ZNF385B: variants seen among roughly 807,000 people sequenced by gnomAD.
ZNF385B encodes the protein zinc finger protein 533.
A neutral mutation model predicts 39.2 loss-of-function variants in ZNF385B; 23 were observed. The ratio of observed to expected loss-of-function variants is 0.59; its 90% CI spans 0.42 to 0.83. The LOEUF is 0.83. Ranked by LOEUF, ZNF385B falls within the 40% of genes least tolerant of loss-of-function variation. The probability of loss-of-function intolerance (pLI) is 0.00; values close to 1 mark genes in which losing one functional copy is unlikely to be tolerated. For missense variants in ZNF385B, 552 were observed against 598.9 expected, an observed-to-expected ratio of 0.92 and a Z score of 0.82; for synonymous variants, 205 against 222.6, an observed-to-expected ratio of 0.92 and a Z score of 0.70.
In ZNF385B at chr2:179,489,351, G is replaced by A. The variant is rs539961159; in HGVS notation, c.553-5917C>T. The stretch of plus-strand genomic sequence containing the variant: ...CCCTGTACCACAAAAACATACCATA[G>A]TGTTTTCAATTAAAAATCAAATATT... On this transcript the variant is annotated intron_variant, in intron 5 of 9. Transcript: ENST00000410066. Among the ~76,000 whole-genome samples the A allele has an allele frequency of 2.0e-5, 3 of 152,280 alleles. No homozygotes were observed. The South Asian group carries it at 6.2e-4, about 32-fold the overall frequency.
At chr2:179,826,778 A>G (rs984524175) in intron 1 of ZNF385B, among the ~76,000 whole-genome samples, 4 of 152,154 alleles carry the variant, frequency 2.6e-5, no homozygotes, top group Non-Finnish European at 5.9e-5. Context: ...AAAAATAAAT[A>G]CCAACTGCTT....
At chr2:179,572,193 C>T (rs1469581395) in intron 3 of ZNF385B, among the ~76,000 whole-genome samples, 1 of 152,006 alleles carries the variant, frequency 6.6e-6, no homozygotes, top group East Asian at 1.9e-4. Context: ...AAAATAATAC[C>T]TGGCCTTCTC....
At chr2:179,776,539 A>C (rs1057342151) in intron 1 of ZNF385B, among the ~76,000 whole-genome samples, 13 of 152,192 alleles carry the variant, frequency 8.5e-5, no homozygotes, top group Non-Finnish European at 1.8e-4. Context: ...CTTTTAAAAA[A>C]ATCTTCAAAC....
intron 1 of ZNF385B, among the ~76,000 whole-genome samples, chr2:179,829,642 T>C (rs927086605): frequency 2.0e-5 from 3 of 152,080 alleles, no homozygotes; most frequent in African/African-American, 7.2e-5. Flanking sequence ...GCCTCCCAAG[T>C]AGCTGGGACT....
At chr2:179,535,607 G>T (rs537620697) in intron 4 of ZNF385B, among the ~76,000 whole-genome samples, 3 of 152,142 alleles carry the variant, frequency 2.0e-5, no homozygotes, top group Non-Finnish European at 4.4e-5. Context: ...AATGTAAAAC[G>T]TCTTTGAAAT....
At chr2:179,783,684 C>T (rs1428305953) in intron 1 of ZNF385B, among the ~76,000 whole-genome samples, 1 of 151,960 alleles carries the variant, frequency 6.6e-6, no homozygotes, top group Non-Finnish European at 1.5e-5. Flanking sequence ...CCAGTCACTT[C>T]TCAAAAGAAG....
At chr2:179,842,970 C>G (rs1870875) in intron 1 of ZNF385B, among the ~76,000 whole-genome samples, 223 of 152,284 alleles carry the variant, frequency 1.5e-3, no homozygotes, top group African/African-American at 5.0e-3. Context: ...TTTGCCAAAG[C>G]TAGGGATATA....
chr2:179,667,410 C>G (rs950241932), intron 3 of ZNF385B, among the ~76,000 whole-genome samples: 2 of 152,280 alleles, frequency 1.3e-5, no homozygotes, highest in East Asian at 1.9e-4. Flanking sequence ...CCCTCCCCCC[C>G]ACCATTTTGT....
intron 3 of ZNF385B, among the ~76,000 whole-genome samples, chr2:179,688,723 G>C (rs1698123000): frequency 6.6e-6 from 1 of 152,028 alleles, no homozygotes; most frequent in South Asian, 2.1e-4. Context: ...ACAATACATT[G>C]TTATTAATTA....
intron 4 of ZNF385B, 57 bp downstream of exon 4, chr2:179,544,769 CA>C: frequency 6.2e-7 from 1 of 1,604,468 alleles, no homozygotes; most frequent in Non-Finnish European, 8.5e-7. Flanking sequence ...TGACTATTCA[CA>C]AATGTAATGA....
intron 3 of ZNF385B, among the ~76,000 whole-genome samples, chr2:179,744,448 G>C (rs1473527556): frequency 2.0e-5 from 3 of 152,004 alleles, no homozygotes; most frequent in African/African-American, 7.2e-5. Context: ...CATGTGCTCA[G>C]TATAAAACTA....
intron 1 of ZNF385B, among the ~76,000 whole-genome samples, chr2:179,844,155 T>C (rs1708683191): frequency 6.6e-6 from 1 of 152,234 alleles, no homozygotes; most frequent in African/African-American, 2.4e-5. Context: ...CGTAACCTCC[T>C]TAAAAACGGA....
chr2:179,519,871 A>C (rs1244397628), intron 4 of ZNF385B, among the ~76,000 whole-genome samples: 1 of 152,234 alleles, frequency 6.6e-6, no homozygotes, highest in Non-Finnish European at 1.5e-5. Context: ...AATCGACAAA[A>C]TGCAAAATTA....
intron 3 of ZNF385B, among the ~76,000 whole-genome samples, chr2:179,698,443 A>T (rs1698933213): frequency 6.6e-6 from 1 of 152,252 alleles, no homozygotes; most frequent in Admixed American, 6.5e-5. Context: ...TCAAAAAAGC[A>T]TTTCAGCATC....
chr2:179,569,320 T>C (rs892861146), intron 3 of ZNF385B, among the ~76,000 whole-genome samples: 16 of 152,206 alleles, frequency 1.1e-4, no homozygotes, highest in Non-Finnish European at 2.4e-4. Flanking sequence ...GCTTATCAGA[T>C]GTCAGTTACT....
chr2:179,714,070 T>G (rs1307840136), intron 3 of ZNF385B, among the ~76,000 whole-genome samples: 2 of 152,202 alleles, frequency 1.3e-5, no homozygotes, highest in Non-Finnish European at 2.9e-5. Flanking sequence ...CCAAGTCAGT[T>G]TACTCTGCCC....
At chr2:179,694,950 GAAA>G (rs1280313188) in intron 3 of ZNF385B, among the ~76,000 whole-genome samples, 1 of 124,228 alleles carries the variant, frequency 8.0e-6, no homozygotes, top group African/African-American at 3.2e-5. Flanking sequence ...AAAGAAAAAA[GAAA>G]GAAGAGGAGG....
intron 3 of ZNF385B, among the ~76,000 whole-genome samples, chr2:179,590,167 GT>G (rs1046361020): frequency 2.0e-5 from 3 of 152,138 alleles, no homozygotes; most frequent in African/African-American, 7.2e-5. Context: ...ATCTTATAGG[GT>G]TATCAGCATT....
chr2:179,771,335 A>G (rs1428825686), intron 1 of ZNF385B, among the ~76,000 whole-genome samples: 1 of 152,176 alleles, frequency 6.6e-6, no homozygotes, highest in Non-Finnish European at 1.5e-5. Flanking sequence ...ATTGATTCTA[A>G]TGTATAGTAT....
Sources: gnomAD v4.1 joint callset for allele counts (sites outside exome capture counted in the v4.1 genomes callset) on GRCh38, gnomAD v4.1.1 for gene constraint, MANE v1.5 for transcripts, NCBI Gene and HGNC (gene_info 2026-07-23, HGNC 2026-07-21) for gene names.